Variants in CHAT observed in about 807,000 individuals in gnomAD.
The protein encoded by CHAT is acetyl CoA:choline O-acetyltransferase.
CHAT carries 61 observed loss-of-function variants against 76.9 expected under a neutral mutation model. That is an observed-to-expected ratio of 0.79 (90% CI 0.65 to 0.98). The LOEUF is 0.98. CHAT is among the 50% of genes least tolerant of loss of function. CHAT has a pLI of 0.00. For missense variants in CHAT, 946 were observed against 986.9 expected (o/e 0.96, Z 0.56); for synonymous variants, 407 against 397.4 (o/e 1.02, Z -0.29).
At chr10:49,658,551 C>A (rs2177368) in intron 13 of CHAT, among the ~76,000 whole-genome samples, 151,497 of 151,982 alleles carry the variant, frequency 1, 75,508 homozygotes, top group Middle Eastern at 1. Flanking sequence ...ACCACCACCA[C>A]CAACAAAATT....
At position 49,665,288 on chromosome 10, in the gene CHAT, T is replaced by A. The variant is rs564706824; in HGVS notation, c.*242T>A. On this transcript the variant is annotated 3_prime_UTR_variant, in exon 15 of 15. Transcript: ENST00000337653. ...TGCACACTGGGAAATGGGACCTGCCTGGCTCAGAGGCAGCCTGGATGCACT... is the reference window on the plus strand; with the variant it reads ...TGCACACTGGGAAATGGGACCTGCCAGGCTCAGAGGCAGCCTGGATGCACT... Among the ~76,000 whole-genome samples, 50 of 152,324 alleles carry A rather than the reference T, an allele frequency of 3.3e-4. No homozygotes were observed. The highest frequency in any genetic ancestry group is 6.5e-4 in the Non-Finnish European group (44 of 68,022).
chr10:49,621,460 A>C (rs955827382), intron 4 of CHAT, among the ~76,000 whole-genome samples: 7 of 152,224 alleles, frequency 4.6e-5, no homozygotes, highest in African/African-American at 1.4e-4. Flanking sequence ...GGTGCAATTA[A>C]GCCAGGCCCA....
At chr10:49,612,350 C>A, upstream of CHAT, 3 of 1,568,082 alleles carry the variant, frequency 1.9e-6, no homozygotes, top group Non-Finnish European at 2.6e-6. Context: ...CATCCCCACT[C>A]CTCCTCCAGC....
At chr10:49,611,289 C>T (rs772343711), upstream of CHAT, 1 of 1,609,360 alleles carries the variant, frequency 6.2e-7, no homozygotes, top group South Asian at 1.1e-5. Context: ...CGGCGCGCAG[C>T]CTGCAGGGCC....
At chr10:49,646,147 TA>T (rs1295945496) in intron 7 of CHAT, among the ~76,000 whole-genome samples, 1 of 152,176 alleles carries the variant, frequency 6.6e-6, no homozygotes, top group Non-Finnish European at 1.5e-5. Context: ...GGTGGGGGAT[TA>T]AGGGCCCTTC....
upstream of CHAT, chr10:49,611,298 C>T: frequency 2.5e-6 from 4 of 1,608,458 alleles, no homozygotes; most frequent in Non-Finnish European, 3.4e-6. Flanking sequence ...GCCTGCAGGG[C>T]CTGGGCTCAG....
At chr10:49,622,250 C>A in intron 5 of CHAT, 100 bp downstream of exon 5, 1 of 1,259,206 alleles carries the variant, frequency 7.9e-7, no homozygotes, top group Non-Finnish European at 1.2e-6. Flanking sequence ...ATTCCCATTC[C>A]TGGCTCCTGG....
At chr10:49,640,406 G>A (rs1839440387) in intron 7 of CHAT, among the ~76,000 whole-genome samples, 1 of 152,150 alleles carries the variant, frequency 6.6e-6, no homozygotes, top group Non-Finnish European at 1.5e-5. Flanking sequence ...GCAAGAGAAT[G>A]GGGGAGGTTA....
upstream of CHAT, chr10:49,610,527 C>G (rs1272267437): frequency 8.7e-6 from 4 of 457,796 alleles, no homozygotes; most frequent in African/African-American, 2.0e-5. Context: ...CCGCGGGTCC[C>G]GGGATCGGCT....
chr10:49,627,178 G>A (rs557453711), intron 6 of CHAT, among the ~76,000 whole-genome samples: 9 of 152,328 alleles, frequency 5.9e-5, no homozygotes, highest in Admixed American at 1.3e-4. Flanking sequence ...AAACAAGGCC[G>A]AGAGGCACAT....
intron 7 of CHAT, among the ~76,000 whole-genome samples, chr10:49,641,150 T>A (rs1839467790): frequency 6.6e-6 from 1 of 152,246 alleles, no homozygotes; most frequent in Non-Finnish European, 1.5e-5. Flanking sequence ...CCTCTTCTTA[T>A]GAGGACACCA....
At chr10:49,622,441 G>A (rs1370047916) in intron 5 of CHAT, among the ~76,000 whole-genome samples, 1 of 152,226 alleles carries the variant, frequency 6.6e-6, no homozygotes, top group East Asian at 1.9e-4. Flanking sequence ...CTTGAAGCTG[G>A]AGAACACATA....
At position 49,631,096 on chromosome 10, in the gene CHAT, G is replaced by T. The variant is rs560675584; in HGVS notation, c.1111+3311G>T. Among the ~76,000 whole-genome samples the T allele has an allele frequency of 2.6e-5, 4 of 152,346 alleles. No homozygotes were observed. In the South Asian group the frequency reaches 8.3e-4, roughly 32 times the overall value. ...CTCCTCAGGTTCAGCCAGAGTTGGT[G>T]AGTGTAACTGGTAGGGACGGTGAAG... is the stretch of plus-strand genomic sequence containing the variant. On this transcript the variant is annotated intron_variant, in intron 7 of 14. Transcript: ENST00000337653.
chr10:49,655,141 C>T lies in CHAT; in HGVS notation c.1681C>T (p.Arg561Ter), dbSNP rs1458796820. The change falls in exon 12 of 15, where the codon CGA becomes TGA. Residue 561 changes from arginine to a stop codon, truncating the protein, a stop_gained. Coordinates refer to ENST00000337653, the MANE Select transcript of CHAT (RefSeq NM_020549.5). LOFTEE classifies it high-confidence loss of function. ...VPTYESASIR[R>*]FQEGRVDNIR... ...CACCTACGAGAGCGCGTCCATCCGC[C>T]GATTCCAGGAGGGACGCGTGGACAA... 3.7e-6 allele frequency: 6 copies of T among 1,614,002 alleles called. No homozygotes were observed. The highest frequency in any genetic ancestry group is 2.2e-5 in the East Asian group (1 of 44,898).
rs767180792 is a variant in CHAT at position 49,648,555 on chromosome 10, C to G, written c.1330C>G (p.Pro444Ala). The change falls in exon 9 of 15, where the codon CCA (proline) becomes GCA (alanine). Residue 444 changes from proline to alanine, a missense_variant. By Grantham distance (27) the Pro-to-Ala change is conservative (BLOSUM62 -1). Around this residue, in one of 3 missense-constraint regions of CHAT, gnomAD observed 349 missense variants for 393.9 expected, o/e 0.89. Coordinates refer to ENST00000337653, the MANE Select transcript of CHAT (RefSeq NM_020549.5). ...CTGCGGTGTGGTGTGCGAACACTCC[C>G]CATTCGATGGCATCGTCCTGGTGCA... ...GTCGVVCEHS[P>A]FDGIVLVQCT... 1.2e-6 allele frequency: 2 copies of G among 1,614,050 alleles called. No homozygotes were observed. Among genetic ancestry groups the G allele is most frequent in the African/African-American group, 1.3e-5 (1 of 75,034 alleles).
In CHAT at chr10:49,625,569, C is replaced by T. The variant is rs1342051924; in HGVS notation, c.849C>T (p.Pro283=). Residue 283 remains proline (P), a synonymous_variant, in exon 6 of 15, where the codon CCC becomes CCT. Transcript: ENST00000337653. ...YYGLFSSYRL[P]GHTQDTLVAQ... is the part of the protein sequence containing the mutation. ...GGCTCTTCTCCTCCTACCGGCTCCC[C>T]GGCCATACCCAGGACACGCTGGTGG... 1.1e-5 allele frequency: 18 copies of T among 1,612,054 alleles called. 1 individual carries two copies. Among genetic ancestry groups the T allele is most frequent in the South Asian group, 8.8e-5 (8 of 90,456 alleles).
At chr10:49,643,348 G>A (rs1219196342) in intron 7 of CHAT, among the ~76,000 whole-genome samples, 3 of 152,094 alleles carry the variant, frequency 2.0e-5, no homozygotes, top group Non-Finnish European at 2.9e-5. Context: ...TCTGTTCTCC[G>A]GCCATCCAAA....
At chr10:49,620,287 A>T (rs916424158) in intron 3 of CHAT, among the ~76,000 whole-genome samples, 1 of 152,120 alleles carries the variant, frequency 6.6e-6, no homozygotes, top group African/African-American at 2.4e-5. Context: ...CAGGATGGGG[A>T]CTGGGACAGA....
Position 49,642,454 on chromosome 10 carries a change from C to T in CHAT, c.1112-4051C>T, listed in dbSNP as rs577279135. Among the ~76,000 whole-genome samples the T allele has an allele frequency of 4.8e-4, 73 of 152,378 alleles. 1 individual carries two copies. In the South Asian group the frequency reaches 5.0e-3, roughly 10 times the overall value. ...GTTGGGCAGCGCTGGGCTCCTGGGC[C>T]CTGCAGAGCCTGCACATGATGGCAA... is the stretch of plus-strand genomic sequence containing the variant. On this transcript the variant is annotated intron_variant, in intron 7 of 14. Transcript: ENST00000337653.
Sources: gnomAD v4.1 joint callset for allele counts (sites outside exome capture counted in the v4.1 genomes callset) on GRCh38, gnomAD v4.1.1 for gene constraint, gnomAD v4.1.1 regional missense constraint, MANE v1.5 for transcripts, NCBI Gene and HGNC (gene_info 2026-07-23, HGNC 2026-07-21) for gene names.